Variants in GPAT3 observed in about 807,000 individuals in gnomAD.
GPAT3 encodes glycerol-3-phosphate acyltransferase 3, also known as 1-AGP acyltransferase 9.
A neutral mutation model predicts 58.8 loss-of-function variants in GPAT3; 53 were observed. That is an observed-to-expected ratio of 0.90 (90% CI 0.72 to 1.13). GPAT3 has a LOEUF of 1.13. Among genes scored for constraint, GPAT3 ranks in the 50% most tolerant of loss-of-function variants. The probability of loss-of-function intolerance (pLI) is 0.00; values close to 1 mark genes in which losing one functional copy is unlikely to be tolerated. For synonymous variants in GPAT3, 197 were observed against 187.4 expected, an observed-to-expected ratio of 1.05 and a Z score of -0.42; for missense variants, 511 against 527.6, an observed-to-expected ratio of 0.97 and a Z score of 0.31.
At chr4:83,539,987 A>G (rs1357586186) in intron 1 of GPAT3, among the ~76,000 whole-genome samples, 2 of 151,988 alleles carry the variant, frequency 1.3e-5, no homozygotes, top group Admixed American at 1.3e-4. Context: ...GTAAAACCCC[A>G]TCTCTACTAA....
chr4:83,584,224 A>C (rs1425224950), intron 3 of GPAT3, among the ~76,000 whole-genome samples: 2 of 152,232 alleles, frequency 1.3e-5, no homozygotes, highest in East Asian at 3.8e-4. Flanking sequence ...TTTTGCAAAG[A>C]AACTATGATT....
At chr4:83,579,030 CTTTCTTTCTTTCTTT>C (rs1560620926) in intron 2 of GPAT3, among the ~76,000 whole-genome samples, 13 of 23,070 alleles carry the variant, frequency 5.6e-4, no homozygotes, top group Admixed American at 9.6e-4. Context: ...TTCTTTCTTT[CTTTCTTTCTTTCTTT>C]CTTTCTTTCT....
intron 2 of GPAT3, among the ~76,000 whole-genome samples, chr4:83,554,879 C>G (rs951277820): frequency 1.3e-5 from 2 of 149,948 alleles, no homozygotes; most frequent in African/African-American, 2.5e-5. Flanking sequence ...TCTCGGATCA[C>G]TGCAACCTTT....
intron 5 of GPAT3, 101 bp from the exon 6 acceptor site, chr4:83,590,098 T>A (rs1726538882): frequency 7.6e-6 from 8 of 1,047,364 alleles, no homozygotes; most frequent in East Asian, 2.8e-5. Flanking sequence ...AAAAAAAAAA[T>A]TACATATATA....
chr4:83,554,042 G>A (rs1724857168), intron 2 of GPAT3, among the ~76,000 whole-genome samples: 1 of 151,938 alleles, frequency 6.6e-6, no homozygotes, highest in Non-Finnish European at 1.5e-5. Context: ...CTAGGCTAGA[G>A]TGCAGTGGTA....
chr4:83,558,555 T>C (rs1725020501), intron 2 of GPAT3, among the ~76,000 whole-genome samples: 1 of 152,188 alleles, frequency 6.6e-6, no homozygotes, highest in Admixed American at 6.5e-5. Context: ...TTGGTGGATA[T>C]ACTGGTGTTG....
chr4:83,561,051 C>T (rs151077289), intron 2 of GPAT3, among the ~76,000 whole-genome samples: 109 of 152,266 alleles, frequency 7.2e-4, no homozygotes, highest in African/African-American at 2.2e-3. Flanking sequence ...ATACAACTGG[C>T]GTCAGGCCTT....
chr4:83,541,816 T>C (rs1324233611), intron 1 of GPAT3, among the ~76,000 whole-genome samples: 3 of 152,214 alleles, frequency 2.0e-5, no homozygotes, highest in Admixed American at 6.5e-5. Context: ...TTCTGAGGCC[T>C]CTCTCCTAGG....
At chr4:83,588,140 T>G in intron 4 of GPAT3, 70 bp from the exon 5 acceptor site, 1 of 1,395,654 alleles carries the variant, frequency 7.2e-7, no homozygotes. Flanking sequence ...AAAAGCACAT[T>G]AAAACCTTTA....
chr4:83,596,268 C>T (rs1246315128), intron 7 of GPAT3, among the ~76,000 whole-genome samples: 1 of 152,118 alleles, frequency 6.6e-6, no homozygotes, highest in African/African-American at 2.4e-5. Flanking sequence ...GAGTCCATGA[C>T]TCTAGAGTCA....
intron 2 of GPAT3, among the ~76,000 whole-genome samples, chr4:83,571,145 T>C (rs1416424756): frequency 2.6e-5 from 4 of 152,234 alleles, no homozygotes; most frequent in Non-Finnish European, 4.4e-5. Context: ...AATCAGTGGA[T>C]TTTTAAAAAT....
chr4:83,584,011 G>A lies in GPAT3; in HGVS notation c.479+2179G>A, dbSNP rs551115812. ...AACAACAACAACAAAAACACATGAA[G>A]CTTTAGTCAAGTTTAATATATGGAT... On this transcript the variant is annotated intron_variant, in intron 3 of 11. Transcript: ENST00000264409. 6.6e-4 allele frequency among the ~76,000 whole-genome samples: 101 copies of A among 152,098 alleles called. No homozygotes were observed. The South Asian group carries it at 0.011, about 17-fold the overall frequency.
rs1171819143 is a variant in GPAT3, at chr4:83,549,467, GTATGTATATA to G, written c.208+4869_208+4878del. On this transcript the variant is annotated intron_variant, in intron 2 of 11. Transcript: ENST00000264409. ...TGCGTGTGTGTGTGTGTGTGTGTGT[GTATGTATATA>G]TATATGAAATATTATGTATTAGTAT... 8.2e-4 allele frequency among the ~76,000 whole-genome samples: 121 copies of G among 147,964 alleles called. 1 individual carries two copies. The highest frequency in any genetic ancestry group is 3.0e-3 in the African/African-American group (119 of 40,304).
intron 2 of GPAT3, among the ~76,000 whole-genome samples, chr4:83,565,285 G>T (rs1725339401): frequency 1.3e-5 from 2 of 151,526 alleles, no homozygotes; most frequent in Non-Finnish European, 2.9e-5. Flanking sequence ...ATTTTTAGTA[G>T]AGATGGGGTT....
intron 2 of GPAT3, among the ~76,000 whole-genome samples, chr4:83,547,376 C>G (rs964935511): frequency 6.6e-6 from 1 of 151,242 alleles, no homozygotes; most frequent in African/African-American, 2.4e-5. Context: ...CCTCAGCCTC[C>G]CGAGTAGCTG....
intron 1 of GPAT3, among the ~76,000 whole-genome samples, chr4:83,543,837 C>T (rs1001950261): frequency 1.3e-5 from 2 of 152,084 alleles, no homozygotes; most frequent in African/African-American, 2.4e-5. Flanking sequence ...GATGGGGTTT[C>T]GCCATGTTGG....
chr4:83,602,354 G>A (rs1408589928), intron 11 of GPAT3, among the ~76,000 whole-genome samples: 2 of 151,864 alleles, frequency 1.3e-5, no homozygotes, highest in African/African-American at 4.8e-5. Context: ...CTTTTTTCAG[G>A]CCATATGCAA....
intron 2 of GPAT3, among the ~76,000 whole-genome samples, chr4:83,570,141 A>G (rs1235611933): frequency 9.2e-5 from 14 of 152,224 alleles, no homozygotes. Context: ...AGGCAATAAC[A>G]TATGAGGAAG....
chr4:83,544,900 A>G (rs1255541358), intron 2 of GPAT3, among the ~76,000 whole-genome samples: 1 of 152,152 alleles, frequency 6.6e-6, no homozygotes. Flanking sequence ...AAAAGAAAAA[A>G]AAAAAGAAAG....
Sources: gnomAD v4.1 joint callset for allele counts (sites outside exome capture counted in the v4.1 genomes callset) on GRCh38, gnomAD v4.1.1 for gene constraint, MANE v1.5 for transcripts, NCBI Gene and HGNC (gene_info 2026-07-23, HGNC 2026-07-21) for gene names.